Variants in SH3GL2 observed in about 807,000 individuals in gnomAD.
The protein encoded by SH3GL2 is endophilin-A1.
SH3GL2 carries 24 observed loss-of-function variants against 46.0 expected under a neutral mutation model. The observed-to-expected ratio is 0.52, with a 90% CI of 0.38 to 0.73. SH3GL2 has a LOEUF of 0.73. Among genes scored for constraint, SH3GL2 ranks in the 30% least tolerant of loss-of-function variants. The probability of loss-of-function intolerance (pLI) is 0.00; values close to 1 mark genes in which losing one functional copy is unlikely to be tolerated. For synonymous variants in SH3GL2, 196 were observed against 147.1 expected (o/e 1.33, Z -2.40); for missense variants, 413 against 424.2 (o/e 0.97, Z 0.23).
chr9:17,700,860 G>A (rs1006846728), intron 1 of SH3GL2, among the ~76,000 whole-genome samples: 1 of 152,082 alleles, frequency 6.6e-6, no homozygotes, highest in Non-Finnish European at 1.5e-5. Flanking sequence ...TTATTTTAAT[G>A]GCAAAAACTG....
chr9:17,736,624 T>C (rs903163853), intron 1 of SH3GL2, among the ~76,000 whole-genome samples: 3 of 152,198 alleles, frequency 2.0e-5, no homozygotes, highest in Non-Finnish European at 4.4e-5. Context: ...TGACATAAAA[T>C]GCTATATGGA....
chr9:17,606,516 T>C (rs1231873776), intron 1 of SH3GL2, among the ~76,000 whole-genome samples: 1 of 152,206 alleles, frequency 6.6e-6, no homozygotes, highest in African/African-American at 2.4e-5. Context: ...TTTTGATTGA[T>C]ATGAATGATG....
At chr9:17,793,553 T>G (rs1824194483) in intron 8 of SH3GL2, 56 bp downstream of exon 8, 4 of 1,563,956 alleles carry the variant, frequency 2.6e-6, no homozygotes, top group Non-Finnish European at 3.5e-6. Context: ...CCATTGGCAC[T>G]CTTCCAGAAA....
chr9:17,738,737 A>C (rs1046992468), intron 1 of SH3GL2, among the ~76,000 whole-genome samples: 2 of 151,258 alleles, frequency 1.3e-5, no homozygotes, highest in Non-Finnish European at 2.9e-5. Context: ...TTTGCAGGTC[A>C]GGTCAGCAGG....
chr9:17,675,460 T>G (rs1229766153), intron 1 of SH3GL2, among the ~76,000 whole-genome samples: 1 of 152,226 alleles, frequency 6.6e-6, no homozygotes, highest in South Asian at 2.1e-4. Flanking sequence ...TTACAGGCAT[T>G]TATGTAATAT....
At chr9:17,683,330 G>A (rs945904336) in intron 1 of SH3GL2, among the ~76,000 whole-genome samples, 2 of 152,052 alleles carry the variant, frequency 1.3e-5, no homozygotes, top group African/African-American at 4.8e-5. Context: ...GAGGCAAGCA[G>A]CAACCACTGC....
intron 1 of SH3GL2, among the ~76,000 whole-genome samples, chr9:17,619,677 C>CCA (rs532660488): frequency 1.7e-4 from 25 of 146,212 alleles, no homozygotes; most frequent in African/African-American, 6.4e-4. Context: ...AACTCCATCT[C>CCA]AAAAAAAAAA....
At chr9:17,622,986 G>C (rs7033698) in intron 1 of SH3GL2, among the ~76,000 whole-genome samples, 43,045 of 102,102 alleles carry the variant, frequency 0.42, 10,793 homozygotes, top group South Asian at 0.45. Flanking sequence ...GTTTCCTTTC[G>C]TTTCCTTTCC....
At position 17,687,501 on chromosome 9, in the gene SH3GL2, A is replaced by G. The variant is rs541836181; in HGVS notation, c.46-59565A>G. Among the ~76,000 whole-genome samples the G allele has an allele frequency of 3.3e-4, 50 of 149,450 alleles. No individual in the cohort carries two copies. The South Asian group carries it at 9.8e-3, about 29-fold the overall frequency. On this transcript the variant is annotated intron_variant, in intron 1 of 8. Coordinates refer to ENST00000380607, the MANE Select transcript of SH3GL2 (RefSeq NM_003026.5). ...CAATACAAACTTTTTTAAGTGCAGC[A>G]AAAAAAATTTCAATTGTAAATACAA...
intron 1 of SH3GL2, among the ~76,000 whole-genome samples, chr9:17,608,336 CAG>C (rs1229470734): frequency 6.6e-6 from 1 of 151,922 alleles, no homozygotes; most frequent in Non-Finnish European, 1.5e-5. Context: ...TTAGTAGAGA[CAG>C]GGTTTCACCG....
At chr9:17,643,190 G>A (rs995076221) in intron 1 of SH3GL2, among the ~76,000 whole-genome samples, 1 of 152,126 alleles carries the variant, frequency 6.6e-6, no homozygotes, top group Non-Finnish European at 1.5e-5. Flanking sequence ...CTCTGTATTT[G>A]TCTATTTTTG....
rs1043446187 is a variant in SH3GL2, at chr9:17,786,478, G to C, written c.285G>C (p.Glu95Asp). The part of the protein sequence containing the change: ...GYPQAEALLA[E>D]AMLKFGRELG... ...CTCAGGCAGAGGCGCTGCTGGCAGAGGCCATGCTCAAATTTGGAAGAGAGC... is the reference window on the plus strand; with the variant it reads ...CTCAGGCAGAGGCGCTGCTGGCAGACGCCATGCTCAAATTTGGAAGAGAGC... Residue 95 changes from glutamate (E) to aspartate (D), a missense_variant, in exon 4 of 9, where the codon GAG (glutamate) becomes GAC (aspartate). Around this residue, in one of 3 missense-constraint regions of SH3GL2, gnomAD observed 160 missense variants for 192.3 expected, o/e 0.83. Transcript: ENST00000380607. 3.7e-6 allele frequency: 6 copies of C among 1,613,412 alleles called. No individual in the cohort carries two copies. The highest frequency in any genetic ancestry group is 5.1e-6 in the Non-Finnish European group (6 of 1,179,694).
At chr9:17,605,372 T>C (rs550650030) in intron 1 of SH3GL2, among the ~76,000 whole-genome samples, 11 of 152,286 alleles carry the variant, frequency 7.2e-5, no homozygotes, top group African/African-American at 2.6e-4. Flanking sequence ...TAGCCTTACC[T>C]ACTTCCAGAG....
At chr9:17,743,403 C>T (rs777518880) in intron 1 of SH3GL2, among the ~76,000 whole-genome samples, 10 of 147,366 alleles carry the variant, frequency 6.8e-5, no homozygotes, top group Non-Finnish European at 1.3e-4. Context: ...TGTATCAGTA[C>T]ATAACTGCTA....
At chr9:17,656,564 G>A (rs1293753608) in intron 1 of SH3GL2, among the ~76,000 whole-genome samples, 2 of 151,870 alleles carry the variant, frequency 1.3e-5, no homozygotes, top group Admixed American at 6.6e-5. Context: ...GCCTGTGATT[G>A]GTATGTTTTA....
At chr9:17,615,529 C>T (rs9406678) in intron 1 of SH3GL2, among the ~76,000 whole-genome samples, 30,664 of 151,676 alleles carry the variant, frequency 0.2, 3,652 homozygotes, top group South Asian at 0.3. Context: ...GCAGCGGGCG[C>T]CTGTAATCCC....
At chr9:17,765,401 A>G (rs1329225718) in intron 3 of SH3GL2, among the ~76,000 whole-genome samples, 3 of 151,940 alleles carry the variant, frequency 2.0e-5, no homozygotes, top group Admixed American at 1.3e-4. Context: ...TATTCTTAAA[A>G]CTCAGTTCCT....
chr9:17,791,018 G>C (rs530202300), intron 6 of SH3GL2, among the ~76,000 whole-genome samples: 1 of 152,210 alleles, frequency 6.6e-6, no homozygotes, highest in East Asian at 1.9e-4. Context: ...GTACTGATAC[G>C]CATGATTCTA....
At chr9:17,612,351 T>C (rs1240657116) in intron 1 of SH3GL2, among the ~76,000 whole-genome samples, 1 of 152,204 alleles carries the variant, frequency 6.6e-6, no homozygotes, top group Non-Finnish European at 1.5e-5. Flanking sequence ...ACTCTTTTTG[T>C]GTGGGACTGA....
Sources: gnomAD v4.1 joint callset for allele counts (sites outside exome capture counted in the v4.1 genomes callset) on GRCh38, gnomAD v4.1.1 for gene constraint, gnomAD v4.1.1 regional missense constraint, MANE v1.5 for transcripts, NCBI Gene and HGNC (gene_info 2026-07-23, HGNC 2026-07-21) for gene names.